The following APBA1 variants were observed in gnomAD, a reference collection of about 807,000 sequenced individuals.
APBA1 encodes the protein amyloid-beta A4 precursor protein-binding family A member 1.
A neutral mutation model predicts 86.6 loss-of-function variants in APBA1; 55 were observed. That is an observed-to-expected ratio of 0.64 (90% CI 0.51 to 0.80). The LOEUF is 0.80. APBA1 is among the 30% of genes least tolerant of loss of function. APBA1 has a pLI of 0.00. For missense variants in APBA1, 1,090 were observed against 1,183.0 expected (o/e 0.92, Z 1.15); for synonymous variants, 511 against 493.9 (o/e 1.03, Z -0.46).
At chr9:69,449,230 A>G (rs528668060) in intron 10 of APBA1, among the ~76,000 whole-genome samples, 6 of 152,306 alleles carry the variant, frequency 3.9e-5, no homozygotes, top group Non-Finnish European at 8.8e-5. Context: ...CTGGCTGACT[A>G]TAAGTGACTG....
chr9:69,640,356 G>A (rs1304374422), intron 1 of APBA1, among the ~76,000 whole-genome samples: 3 of 152,164 alleles, frequency 2.0e-5, no homozygotes, highest in Middle Eastern at 3.4e-3. Context: ...CTTAGGACAC[G>A]AATGCTCATC....
chr9:69,500,580 A>G (rs767968964), intron 2 of APBA1, among the ~76,000 whole-genome samples: 8 of 152,098 alleles, frequency 5.3e-5, no homozygotes, highest in Non-Finnish European at 1.2e-4. Context: ...ACGATGAGAC[A>G]CCGACAGTGA....
chr9:69,620,051 C>T (rs1452624935), intron 1 of APBA1, among the ~76,000 whole-genome samples: 4 of 152,198 alleles, frequency 2.6e-5, no homozygotes, highest in African/African-American at 9.7e-5. Context: ...AACAGTCTTC[C>T]CTTAACATCT....
chr9:69,594,219 A>G (rs765030569), intron 1 of APBA1, among the ~76,000 whole-genome samples: 4 of 152,126 alleles, frequency 2.6e-5, no homozygotes, highest in Non-Finnish European at 4.4e-5. Flanking sequence ...CTCAAACTTC[A>G]ATGTGCCTAA....
intron 1 of APBA1, among the ~76,000 whole-genome samples, chr9:69,643,153 T>C (rs1169414940): frequency 6.6e-6 from 1 of 152,122 alleles, no homozygotes; most frequent in East Asian, 1.9e-4. Flanking sequence ...TGCACTTACA[T>C]TTGATCCAGC....
chr9:69,603,998 T>C (rs1050045651), intron 1 of APBA1, among the ~76,000 whole-genome samples: 1 of 152,254 alleles, frequency 6.6e-6, no homozygotes, highest in African/African-American at 2.4e-5. Flanking sequence ...TCACTTATGA[T>C]TGTTGTTTAA....
intron 1 of APBA1, among the ~76,000 whole-genome samples, chr9:69,523,887 T>A (rs1452326105): frequency 6.6e-6 from 1 of 152,146 alleles, no homozygotes; most frequent in African/African-American, 2.4e-5. Context: ...CCAGCCATAT[T>A]CTTGGATCAC....
intron 1 of APBA1, among the ~76,000 whole-genome samples, chr9:69,661,057 C>T (rs1479571485): frequency 6.6e-6 from 1 of 152,160 alleles, no homozygotes; most frequent in Non-Finnish European, 1.5e-5. Flanking sequence ...GAGAAATCAA[C>T]ATTTTGTGAA....
chr9:69,643,107 T>C (rs1823322529), intron 1 of APBA1, among the ~76,000 whole-genome samples: 2 of 152,022 alleles, frequency 1.3e-5, no homozygotes, highest in Admixed American at 1.3e-4. Context: ...TGACTACTAA[T>C]ATAGGCAGTT....
intron 1 of APBA1, among the ~76,000 whole-genome samples, chr9:69,655,453 CG>C (rs890802237): frequency 9.3e-5 from 14 of 150,908 alleles, no homozygotes; most frequent in Admixed American, 3.3e-4. Context: ...ACAAACTATT[CG>C]AAAAAAAATC....
chr9:69,630,873 G>A (rs964348340), intron 1 of APBA1, among the ~76,000 whole-genome samples: 3 of 152,188 alleles, frequency 2.0e-5, no homozygotes, highest in Non-Finnish European at 4.4e-5. Flanking sequence ...CCTTGGCCCA[G>A]GGCAAATCAC....
intron 4 of APBA1, among the ~76,000 whole-genome samples, chr9:69,470,985 C>T (rs1835357988): frequency 6.6e-6 from 1 of 152,166 alleles, no homozygotes. Flanking sequence ...ACACCGGTTT[C>T]CAGAGAGAAG....
intron 1 of APBA1, among the ~76,000 whole-genome samples, chr9:69,574,362 G>A (rs1355783365): frequency 6.6e-6 from 1 of 152,134 alleles, no homozygotes; most frequent in Non-Finnish European, 1.5e-5. Flanking sequence ...TCTCCAACCA[G>A]TTTCCCCTCC....
chr9:69,566,148 T>G (rs931432227), intron 1 of APBA1, among the ~76,000 whole-genome samples: 1 of 152,232 alleles, frequency 6.6e-6, no homozygotes, highest in Non-Finnish European at 1.5e-5. Flanking sequence ...GATCCTTCCC[T>G]TGACTCTCCC....
intron 2 of APBA1, among the ~76,000 whole-genome samples, chr9:69,487,861 A>G (rs2133855126): frequency 6.6e-6 from 1 of 152,232 alleles, no homozygotes; most frequent in East Asian, 1.9e-4. Context: ...CACCCCAAAC[A>G]CTAGCATCTA....
At chr9:69,669,385 C>CA (rs1823904059) in intron 1 of APBA1, among the ~76,000 whole-genome samples, 1 of 151,700 alleles carries the variant, frequency 6.6e-6, no homozygotes, top group African/African-American at 2.4e-5. Flanking sequence ...ACAACAACAA[C>CA]AAAAAACCTT....
At chr9:69,637,265 A>T (rs954564777) in intron 1 of APBA1, among the ~76,000 whole-genome samples, 8 of 152,202 alleles carry the variant, frequency 5.3e-5, no homozygotes, top group Non-Finnish European at 1.2e-4. Flanking sequence ...TGGACACAAA[A>T]ATATAGTTAG....
At chr9:69,558,545 T>TACACAC (rs1327511661) in intron 1 of APBA1, among the ~76,000 whole-genome samples, 1 of 88,692 alleles carries the variant, frequency 1.1e-5, no homozygotes, top group Non-Finnish European at 2.6e-5. Context: ...CACACACACA[T>TACACAC]ACACACACAC....
At chr9:69,458,803 C>CT (rs1835143199) in intron 5 of APBA1, among the ~76,000 whole-genome samples, 1 of 145,592 alleles carries the variant, frequency 6.9e-6, no homozygotes, top group African/African-American at 2.5e-5. Context: ...GTTATCTTTT[C>CT]TTTTCTTTTT....
Sources: gnomAD v4.1 joint callset for allele counts (sites outside exome capture counted in the v4.1 genomes callset) on GRCh38, gnomAD v4.1.1 for gene constraint, MANE v1.5 for transcripts, NCBI Gene and HGNC (gene_info 2026-07-23, HGNC 2026-07-21) for gene names.